Variants in FILIP1L observed in about 807,000 individuals in gnomAD.
FILIP1L encodes filamin A-interacting protein 1-like.
In FILIP1L, 55 loss-of-function variants were observed where a neutral mutation model predicts 96.6. The observed-to-expected ratio is 0.57, with a 90% confidence interval of 0.46 to 0.71. The LOEUF is 0.71. FILIP1L is among the 30% of genes least tolerant of loss of function. The pLI is 0.00. For synonymous variants in FILIP1L, 467 were observed against 473.9 expected (o/e 0.99, Z 0.19); for missense variants, 1,304 against 1,321.2 (o/e 0.99, Z 0.20).
chr3:100,006,941 G>A (rs1351567288), intron 1 of FILIP1L, among the ~76,000 whole-genome samples: 3 of 152,172 alleles, frequency 2.0e-5, no homozygotes, highest in Non-Finnish European at 4.4e-5. Flanking sequence ...TTTAAAAAGT[G>A]TTTTTGTTTG....
intron 1 of FILIP1L, among the ~76,000 whole-genome samples, chr3:99,991,379 C>T (rs1709505355): frequency 6.6e-6 from 1 of 151,974 alleles, no homozygotes; most frequent in African/African-American, 2.4e-5. Flanking sequence ...GTAATTGTTC[C>T]AAGGTATATT....
chr3:100,035,445 G>C (rs879627339), intron 1 of FILIP1L, among the ~76,000 whole-genome samples: 1 of 152,026 alleles, frequency 6.6e-6, no homozygotes, highest in Non-Finnish European at 1.5e-5. Flanking sequence ...AGCTAATTTG[G>C]TATTTTTAGT....
Position 100,078,551 on chromosome 3 carries a change from A to G in FILIP1L, c.-11+35502T>C, listed in dbSNP as rs182403337. 3.9e-3 allele frequency among the ~76,000 whole-genome samples: 593 copies of G among 152,208 alleles called. 8 individuals carry two copies. Among genetic ancestry groups the G allele is most frequent in the African/African-American group, 0.013 (548 of 41,512 alleles). On this transcript the variant is annotated intron_variant, in intron 1 of 5. Transcript: ENST00000477258. ...CACATTGCAAGAATTGTCTTGGGCC[A>G]CACGTAAAATACACCAACACTAGCG...
chr3:100,102,006 A>C (rs1186876312), intron 1 of FILIP1L, among the ~76,000 whole-genome samples: 4 of 152,248 alleles, frequency 2.6e-5, no homozygotes, highest in African/African-American at 9.6e-5. Flanking sequence ...ACATTTTCTT[A>C]ATCCAGTCGA....
At chr3:99,976,074 G>A (rs559727289) in intron 1 of FILIP1L, among the ~76,000 whole-genome samples, 5 of 151,988 alleles carry the variant, frequency 3.3e-5, no homozygotes, top group Non-Finnish European at 4.4e-5. Context: ...TAGTAGAGAC[G>A]AGGTTTCGCC....
intron 4 of FILIP1L, among the ~76,000 whole-genome samples, chr3:99,903,525 C>G (rs992304846): frequency 6.6e-6 from 1 of 152,290 alleles, no homozygotes. Context: ...GCTGGGATTA[C>G]AGGCGTGAGC....
At chr3:100,051,352 A>G (rs959845462) in intron 1 of FILIP1L, 10 of 151,920 alleles carry the variant, frequency 6.6e-5, no homozygotes, top group Non-Finnish European at 1.3e-4. Context: ...CCAATGGCTT[A>G]TATTTCTTTT....
At chr3:99,832,640 C>T (rs1474226286) in intron 5 of FILIP1L, among the ~76,000 whole-genome samples, 1 of 146,076 alleles carries the variant, frequency 6.8e-6, no homozygotes, top group African/African-American at 2.5e-5. Flanking sequence ...GTCAGGAGTT[C>T]GAGACCAGCC....
intron 1 of FILIP1L, among the ~76,000 whole-genome samples, chr3:100,051,583 A>G (rs1166388606): frequency 7.8e-6 from 1 of 127,678 alleles, no homozygotes; most frequent in Non-Finnish European, 1.6e-5. Context: ...TTCATTTCCC[A>G]CCTATGAGTG....
intron 5 of FILIP1L, among the ~76,000 whole-genome samples, chr3:99,839,077 G>C (rs191012692): frequency 6.9e-4 from 105 of 152,164 alleles, no homozygotes; most frequent in African/African-American, 2.4e-3. Context: ...CCTCTTTGGA[G>C]CACCTTTCTT....
intron 1 of FILIP1L, among the ~76,000 whole-genome samples, chr3:100,095,318 G>T (rs1559755793): frequency 6.6e-6 from 1 of 151,910 alleles, no homozygotes; most frequent in Non-Finnish European, 1.5e-5. Flanking sequence ...TATCAATTAG[G>T]GATAAATCGA....
At position 99,975,142 on chromosome 3, in the gene FILIP1L, A is replaced by G. The variant is rs551856319; in HGVS notation, c.-10-44112T>C. ...TTCACCTAGCAGGCATTCAACTTCC[A>G]CCTGCTTCTGTTCCTCCCCGCTCCA... On this transcript the variant is annotated intron_variant, in intron 1 of 5. Transcript: ENST00000477258. Among the ~76,000 whole-genome samples, 64 of 152,212 alleles carry G rather than the reference A, an allele frequency of 4.2e-4. 1 individual carries two copies. The Middle Eastern group carries it at 0.01, about 24-fold the overall frequency.
chr3:100,075,557 TTC>T (rs2107387049), intron 1 of FILIP1L: 1 of 152,002 alleles, frequency 6.6e-6, no homozygotes, highest in South Asian at 2.1e-4. Flanking sequence ...GTCTTCTCTT[TTC>T]TTTTTCTTTT....
intron 1 of FILIP1L, among the ~76,000 whole-genome samples, chr3:100,033,349 G>A (rs1444231658): frequency 1.3e-5 from 2 of 152,144 alleles, no homozygotes; most frequent in East Asian, 3.8e-4. Flanking sequence ...GGCAGCCAAT[G>A]GAAAACCCAC....
At chr3:100,033,821 A>G (rs909046808) in intron 1 of FILIP1L, among the ~76,000 whole-genome samples, 3 of 152,190 alleles carry the variant, frequency 2.0e-5, no homozygotes, top group African/African-American at 7.2e-5. Flanking sequence ...GAGGTCAAGT[A>G]TCCAGTATAC....
Position 99,930,044 on chromosome 3 carries a change from A to C in FILIP1L, c.253-15T>G, listed in dbSNP as rs1180941658. The C allele has an allele frequency of 6.3e-7, 1 of 1,587,064 alleles. No homozygotes were observed. Among genetic ancestry groups the C allele is most frequent in the East Asian group, 2.3e-5 (1 of 43,552 alleles). On this transcript the variant is annotated splice_polypyrimidine_tract_variant and intron_variant, in intron 2 of 5. Coordinates refer to ENST00000477258, the MANE Select transcript of FILIP1L (RefSeq NM_001387850.1). Reference sequence around the variant, plus strand: ...TCATCTCGAGCCTGTAGGAACAAAAAGTATTTCAGAAAGCCTGCTGTCTCT... The same window carrying C: ...TCATCTCGAGCCTGTAGGAACAAAACGTATTTCAGAAAGCCTGCTGTCTCT...
chr3:99,844,926 G>T (rs1943295433), intron 5 of FILIP1L, among the ~76,000 whole-genome samples: 1 of 152,078 alleles, frequency 6.6e-6, no homozygotes, highest in South Asian at 2.1e-4. Context: ...GTTTCCTGAG[G>T]CCTCCCCCAG....
intron 1 of FILIP1L, among the ~76,000 whole-genome samples, chr3:99,974,278 G>A (rs1708904423): frequency 6.6e-6 from 1 of 152,198 alleles, no homozygotes; most frequent in African/African-American, 2.4e-5. Flanking sequence ...TCAAGCACGG[G>A]TTGATTTATT....
chr3:99,872,058 TCTC>T (rs751074703), intron 4 of FILIP1L, among the ~76,000 whole-genome samples: 18 of 152,120 alleles, frequency 1.2e-4, no homozygotes, highest in African/African-American at 3.6e-4. Flanking sequence ...GGGCTTCTGT[TCTC>T]CTCTCTTCCT....
Sources: allele counts gnomAD v4.1 joint callset (sites outside exome capture counted in the v4.1 genomes callset), GRCh38; gene constraint gnomAD v4.1.1; transcripts MANE v1.5; gene names NCBI Gene and HGNC (gene_info 2026-07-23, HGNC 2026-07-21).